Variants in GALNT17 observed in about 807,000 individuals in gnomAD.
GALNT17 encodes the protein polypeptide N-acetylgalactosaminyltransferase 17, also known as UDP-GalNAc:polypeptide N-acetylgalactosaminyltransferase-like 3.
A neutral mutation model predicts 63.7 loss-of-function variants in GALNT17; 29 were observed. The ratio of observed to expected loss-of-function variants is 0.46; its 90% CI spans 0.34 to 0.62. GALNT17 has a LOEUF of 0.62. Ranked by LOEUF, GALNT17 falls within the 20% of genes least tolerant of loss-of-function variation. GALNT17 has a pLI of 0.01. For synonymous variants in GALNT17, 305 were observed against 318.3 expected (o/e 0.96, Z 0.45); for missense variants, 603 against 799.6 (o/e 0.75, Z 2.97).
At chr7:71,389,183 G>C (rs557739522) in intron 3 of GALNT17, among the ~76,000 whole-genome samples, 1 of 152,024 alleles carries the variant, frequency 6.6e-6, no homozygotes, top group East Asian at 1.9e-4. Context: ...ACCCAGGCTG[G>C]AGTGCAGTGG....
chr7:71,204,621 A>C (rs1332120603), intron 1 of GALNT17, among the ~76,000 whole-genome samples: 1 of 149,044 alleles, frequency 6.7e-6, no homozygotes, highest in East Asian at 2.0e-4. Flanking sequence ...ACTGGAGTGC[A>C]GTGGCACAAT....
At chr7:71,258,364 C>T (rs911789093) in intron 1 of GALNT17, among the ~76,000 whole-genome samples, 4 of 152,194 alleles carry the variant, frequency 2.6e-5, no homozygotes, top group South Asian at 2.1e-4. Context: ...AAATCTTCCA[C>T]GGTTTTGTAT....
intron 5 of GALNT17, among the ~76,000 whole-genome samples, chr7:71,480,478 G>A (rs1787799741): frequency 6.6e-6 from 1 of 152,004 alleles, no homozygotes; most frequent in Admixed American, 6.6e-5. Flanking sequence ...CGAACAGCCA[G>A]TGCAGTGCAT....
At chr7:71,563,213 C>T (rs1192968631) in intron 5 of GALNT17, among the ~76,000 whole-genome samples, 3 of 152,224 alleles carry the variant, frequency 2.0e-5, no homozygotes, top group East Asian at 1.9e-4. Flanking sequence ...AGTGTTTGCA[C>T]TCATGGTCGT....
intron 1 of GALNT17, among the ~76,000 whole-genome samples, chr7:71,267,261 C>T (rs776067588): frequency 3.3e-5 from 5 of 152,152 alleles, no homozygotes; most frequent in South Asian, 2.1e-4. Context: ...TTGCGAGCTG[C>T]GCAATTGGCT....
At chr7:71,505,869 A>G (rs915957124) in intron 5 of GALNT17, among the ~76,000 whole-genome samples, 8 of 152,334 alleles carry the variant, frequency 5.3e-5, no homozygotes, top group Middle Eastern at 3.4e-3. Flanking sequence ...GGCACCAAGC[A>G]TTTAGCTCTC....
chr7:71,228,416 C>T (rs61336371), intron 1 of GALNT17, among the ~76,000 whole-genome samples: 10,596 of 152,196 alleles, frequency 0.07, 476 homozygotes, highest in East Asian at 0.22. Context: ...GAATTTGTTT[C>T]CTGTAGCCCT....
intron 5 of GALNT17, among the ~76,000 whole-genome samples, chr7:71,465,018 G>A (rs1261077290): frequency 1.3e-5 from 2 of 152,150 alleles, no homozygotes; most frequent in Non-Finnish European, 2.9e-5. Flanking sequence ...ACGAACTTAA[G>A]TTAATATGAG....
intron 1 of GALNT17, among the ~76,000 whole-genome samples, chr7:71,181,854 GTGA>G: frequency 6.6e-6 from 1 of 150,680 alleles, no homozygotes; most frequent in Non-Finnish European, 1.5e-5. Context: ...TCCAGCCTGG[GTGA>G]CAGAATGAGA....
intron 5 of GALNT17, among the ~76,000 whole-genome samples, chr7:71,463,655 G>A (rs760918399): frequency 6.6e-6 from 1 of 152,198 alleles, no homozygotes; most frequent in Admixed American, 6.5e-5. Flanking sequence ...AATTACTCAT[G>A]AGTTTTCTGG....
intron 1 of GALNT17, among the ~76,000 whole-genome samples, chr7:71,182,979 C>T (rs1788760776): frequency 6.6e-6 from 1 of 152,166 alleles, no homozygotes; most frequent in South Asian, 2.1e-4. Flanking sequence ...GCAATTGTTT[C>T]TTAGAACAGA....
At chr7:71,599,893 G>T (rs74969665) in intron 6 of GALNT17, among the ~76,000 whole-genome samples, 111 of 151,722 alleles carry the variant, frequency 7.3e-4, no homozygotes, top group South Asian at 1.3e-3. Context: ...GGGGTAGAGG[G>T]TATCCTGTGT....
intron 1 of GALNT17, among the ~76,000 whole-genome samples, chr7:71,319,111 T>TTTCTTTCTTTCTTTCTTTCTTTCTTTCA: frequency 6.6e-6 from 1 of 150,936 alleles, no homozygotes; most frequent in Non-Finnish European, 1.5e-5. Context: ...TCTTTCTTTC[T>TTTCTTTCTTTCTTTCTTTCTTTCTTTCA]TTCTTTCTTT....
chr7:71,677,842 A>G (rs559228737), intron 9 of GALNT17, among the ~76,000 whole-genome samples: 3 of 152,042 alleles, frequency 2.0e-5, no homozygotes, highest in Non-Finnish European at 4.4e-5. Flanking sequence ...CTCTGTGTGT[A>G]GTGGTTTTGC....
chr7:71,399,427 A>AT (rs1373247936), intron 3 of GALNT17, among the ~76,000 whole-genome samples: 1 of 152,108 alleles, frequency 6.6e-6, no homozygotes. Flanking sequence ...AGTTTTGGGC[A>AT]TTGTTAGCTT....
intron 5 of GALNT17, among the ~76,000 whole-genome samples, chr7:71,502,607 A>G (rs1457633201): frequency 2.0e-5 from 3 of 152,174 alleles, no homozygotes; most frequent in Admixed American, 6.5e-5. Context: ...AACAGGAACT[A>G]TAGACACAGA....
intron 5 of GALNT17, among the ~76,000 whole-genome samples, chr7:71,489,771 C>A (rs567757579): frequency 7.2e-5 from 11 of 152,358 alleles, no homozygotes; most frequent in African/African-American, 2.6e-4. Flanking sequence ...TCACTTAACA[C>A]CCTTCCCTCA....
In GALNT17 at chr7:71,415,944, G is replaced by T. The variant is rs775995844; in HGVS notation, c.645G>T (p.Val215=). ...TCCACAAACGCTACCCCGGGCTGGT[G>T]AAGGTGGTAAGAAATCAGAAGAGGG... ...EYVHKRYPGL[V]KVVRNQKREG... is the part of the protein sequence containing the mutation. Residue 215 remains valine, a synonymous_variant, in exon 4 of 11, where the codon GTG becomes GTT. Coordinates refer to ENST00000333538, the MANE Select transcript of GALNT17 (RefSeq NM_022479.3). The T allele has an allele frequency of 3.2e-5, 52 of 1,613,648 alleles. 1 individual carries two copies. The highest frequency in any genetic ancestry group is 8.3e-5 in the Admixed American group (5 of 59,940).
chr7:71,350,126 TTA>T (rs1439273697), intron 2 of GALNT17, among the ~76,000 whole-genome samples: 2 of 152,196 alleles, frequency 1.3e-5, no homozygotes, highest in Non-Finnish European at 2.9e-5. Context: ...TGGAAATTAT[TTA>T]TGAGTTAAAT....
Sources: allele counts gnomAD v4.1 joint callset (sites outside exome capture counted in the v4.1 genomes callset), GRCh38; gene constraint gnomAD v4.1.1; transcripts MANE v1.5; gene names NCBI Gene and HGNC (gene_info 2026-07-23, HGNC 2026-07-21).